Variants in SFXN2 observed in about 807,000 individuals in gnomAD.
The protein encoded by SFXN2 is sideroflexin-2.
SFXN2 carries 37 observed loss-of-function variants against 41.9 expected under a neutral mutation model. The observed-to-expected ratio is 0.88, with a 90% CI of 0.68 to 1.16. The LOEUF is 1.16. Among genes scored for constraint, SFXN2 ranks in the 50% most tolerant of loss-of-function variants. SFXN2 has a pLI of 0.00. For missense variants in SFXN2, 386 were observed against 425.2 expected, an observed-to-expected ratio of 0.91 and a Z score of 0.81; for synonymous variants, 150 against 156.7, an observed-to-expected ratio of 0.96 and a Z score of 0.32.
At chr10:102,729,513 G>A (rs761107202) in intron 5 of SFXN2, 119 bp downstream of exon 5, 27 of 1,267,946 alleles carry the variant, frequency 2.1e-5, no homozygotes, top group East Asian at 7.3e-5. Context: ...GCCAGAGCCC[G>A]GCTGGCCAAG....
At chr10:102,721,884 T>G (rs1344766887) in intron 1 of SFXN2, among the ~76,000 whole-genome samples, 1 of 152,106 alleles carries the variant, frequency 6.6e-6, no homozygotes, top group Non-Finnish European at 1.5e-5. Context: ...CCTTGACTGA[T>G]AAAATGTTCC....
At chr10:102,731,957 C>A (rs2064711256) in intron 7 of SFXN2, among the ~76,000 whole-genome samples, 174 bp downstream of exon 7, 1 of 152,168 alleles carries the variant, frequency 6.6e-6, no homozygotes, top group Non-Finnish European at 1.5e-5. Flanking sequence ...CCCCTTCTCT[C>A]TTTTCTCCAT....
At chr10:102,732,564 C>T (rs933170868) in intron 8 of SFXN2, among the ~76,000 whole-genome samples, 5 of 152,152 alleles carry the variant, frequency 3.3e-5, no homozygotes, top group African/African-American at 4.8e-5. Context: ...TTTGCACGAA[C>T]GTACAAATAC....
At chr10:102,720,094 C>T (rs1324584260) in intron 1 of SFXN2, among the ~76,000 whole-genome samples, 1 of 151,984 alleles carries the variant, frequency 6.6e-6, no homozygotes, top group African/African-American at 2.4e-5. Flanking sequence ...AGATCGAGAC[C>T]ATCCTGGCTA....
Position 102,726,726 on chromosome 10 carries a change from C to T in SFXN2, c.90C>T (p.Ile30=). ...FLGRVKHFLN[I]TDPRTVFVSE... ...GGAGAGTGAAGCACTTCCTAAACAT[C>T]ACGGACCCCCGCACTGTCTTTGTAT... The change falls in exon 2 of 12, where the codon ATC becomes ATT. Residue 30 remains isoleucine (I), a synonymous_variant. Coordinates refer to ENST00000369893, the MANE Select transcript of SFXN2 (RefSeq NM_178858.6). 6.2e-7 allele frequency: 1 copy of T among 1,614,196 alleles called. No individual in the cohort carries two copies. Among genetic ancestry groups the T allele is most frequent in the Non-Finnish European group, 8.5e-7 (1 of 1,180,024 alleles).
At chr10:102,733,356 G>A (rs2064730414) in intron 9 of SFXN2, among the ~76,000 whole-genome samples, 198 bp from the exon 10 acceptor site, 1 of 152,030 alleles carries the variant, frequency 6.6e-6, no homozygotes, top group African/African-American at 2.4e-5. Flanking sequence ...CACTGTGTTA[G>A]CCAGGATGGT....
intron 11 of SFXN2, among the ~76,000 whole-genome samples, chr10:102,737,007 A>T (rs1437069583): frequency 1.3e-5 from 2 of 152,040 alleles, no homozygotes; most frequent in African/African-American, 2.4e-5. Context: ...ATACAAAATT[A>T]TCTGGGTGTG....
At chr10:102,722,878 C>G (rs1344963019) in intron 1 of SFXN2, among the ~76,000 whole-genome samples, 3 of 149,190 alleles carry the variant, frequency 2.0e-5, no homozygotes, top group Non-Finnish European at 4.4e-5. Flanking sequence ...TCTTGTAAGT[C>G]AGGTCTGCCA....
intron 5 of SFXN2, 116 bp downstream of exon 5, chr10:102,729,510 C>T (rs2064667655): frequency 3.1e-6 from 4 of 1,279,584 alleles, no homozygotes; most frequent in Non-Finnish European, 4.3e-6. Context: ...ATGGCCAGAG[C>T]CCGGCTGGCC....
At chr10:102,724,429 C>T (rs907490637) in intron 1 of SFXN2, among the ~76,000 whole-genome samples, 6 of 152,212 alleles carry the variant, frequency 3.9e-5, no homozygotes, top group Non-Finnish European at 8.8e-5. Context: ...TCCGGCTGGA[C>T]GTGGTGGCTC....
chr10:102,732,151 G>A lies in SFXN2; in HGVS notation c.655-1G>A. On this transcript the variant is annotated splice_acceptor_variant, in intron 7 of 11. Transcript: ENST00000369893. LOFTEE classifies it high-confidence loss of function. ...GACAACTTACTATTTTCTGCCCTCA[G>A]AGAGCTGCGGCCATAGGCATCACCC... The A allele has an allele frequency of 6.2e-7, 1 of 1,613,714 alleles. No homozygotes were observed. Among genetic ancestry groups the A allele is most frequent in the Non-Finnish European group, 8.5e-7 (1 of 1,179,814 alleles).
intron 1 of SFXN2, chr10:102,716,594 GT>G (rs2064419392): frequency 9.3e-6 from 1 of 107,696 alleles, no homozygotes; most frequent in Non-Finnish European, 1.8e-5. Context: ...TTGAGATGGA[GT>G]TTCACTCTTA....
rs1322870846 is a variant in SFXN2 at position 102,738,361 on chromosome 10, A to G, written c.*599A>G. 6.7e-6 allele frequency: 1 copy of G among 150,242 alleles called. No individual in the cohort carries two copies. Among genetic ancestry groups the G allele is most frequent in the Non-Finnish European group, 1.5e-5 (1 of 67,872 alleles). The allele number at this position is 150,242 out of a possible 1,614,324, so 9.3% of individuals were successfully genotyped here. ...GCCCAGGCTGGAATGCAGTGGCGCG[A>G]TCTCGGCTCACTGCAAACTCTGCCT... On this transcript the variant is annotated 3_prime_UTR_variant, in exon 12 of 12. Transcript: ENST00000369893.
chr10:102,725,588 C>G (rs1399599591), intron 1 of SFXN2, among the ~76,000 whole-genome samples: 1 of 152,048 alleles, frequency 6.6e-6, no homozygotes, highest in African/African-American at 2.4e-5. Flanking sequence ...AATAATGAGA[C>G]TCTGTCTCTA....
In SFXN2 at chr10:102,738,990, GAC is replaced by G. The variant is rs936893665; in HGVS notation, c.*1234_*1235del. 3.9e-5 allele frequency: 6 copies of G among 152,612 alleles called. No individual in the cohort carries two copies. Among genetic ancestry groups the G allele is most frequent in the African/African-American group, 1.4e-4 (6 of 41,426 alleles). The allele number at this position is 152,612 out of a possible 1,614,324, so 9.5% of individuals were successfully genotyped here. A position where few individuals can be genotyped will look rare whatever the true frequency, so the allele number is the denominator to read the frequency against. ...CAACCAGGACCAAAGAGCCTTAAAGGACACACAGCAATGCACAGCCACTTCCC... is the reference window on the plus strand; with the variant it reads ...CAACCAGGACCAAAGAGCCTTAAAGGACACAGCAATGCACAGCCACTTCCC... On this transcript the variant is annotated 3_prime_UTR_variant, in exon 12 of 12. Coordinates refer to ENST00000369893, the MANE Select transcript of SFXN2 (RefSeq NM_178858.6).
chr10:102,728,685 A>G, intron 4 of SFXN2, 156 bp downstream of exon 4: 2 of 626,072 alleles, frequency 3.2e-6, no homozygotes, highest in Non-Finnish European at 5.7e-6. Flanking sequence ...CAAGCTGAGT[A>G]GGGGTGGATC....
In SFXN2 at chr10:102,742,721, C is replaced by G. The variant is rs947075860; in HGVS notation, c.*4959C>G. Reference sequence around the variant, plus strand: ...CTGAGCTCAAGGGATCTACCTGCCTCAGCCTCCCAAAGGGCTAGGATTATA... The same window carrying G: ...CTGAGCTCAAGGGATCTACCTGCCTGAGCCTCCCAAAGGGCTAGGATTATA... On this transcript the variant is annotated 3_prime_UTR_variant, in exon 12 of 12. Transcript: ENST00000369893. 6.6e-6 allele frequency: 1 copy of G among 152,126 alleles called. No individual in the cohort carries two copies. The highest frequency in any genetic ancestry group is 2.4e-5 in the African/African-American group (1 of 41,414). The allele number at this position is 152,126 out of a possible 1,614,324, so 9.4% of individuals were successfully genotyped here.
intron 1 of SFXN2, among the ~76,000 whole-genome samples, chr10:102,725,834 A>G (rs1279878791): frequency 6.6e-6 from 1 of 152,098 alleles, no homozygotes. Context: ...TGATCACACC[A>G]CTGCATCCCA....
Position 102,734,122 on chromosome 10 carries a change from G to A in SFXN2, c.821+519G>A, listed in dbSNP as rs575487733. ...TGACCTCAAGTGATCCACCTGCCTC[G>A]GCCTCCCAAATTGCTGGGATTATAG... On this transcript the variant is annotated intron_variant, in intron 10 of 11. Transcript: ENST00000369893. The surrounding 1 kb of genome is among the most constrained non-coding windows in gnomAD (Gnocchi z 4.1). Among the ~76,000 whole-genome samples the A allele has an allele frequency of 1.3e-5, 2 of 152,156 alleles. No homozygotes were observed. The highest frequency in any genetic ancestry group is 2.4e-5 in the African/African-American group (1 of 41,510).
Sources: gnomAD v4.1 joint callset for allele counts (sites outside exome capture counted in the v4.1 genomes callset) on GRCh38, gnomAD v4.1.1 for gene constraint, Gnocchi (gnomAD v3.1) non-coding constraint, MANE v1.5 for transcripts, NCBI Gene and HGNC (gene_info 2026-07-23, HGNC 2026-07-21) for gene names.